EYS: variants seen among roughly 807,000 people sequenced by gnomAD.
EYS encodes EGF-like photoreceptor maintenance factor, also known as protein eyes shut homolog.
Under a neutral mutation model 282.1 loss-of-function variants are expected in EYS, and 250 were observed. That is an observed-to-expected ratio of 0.89 (90% CI 0.80 to 0.98). The LOEUF (loss-of-function observed/expected upper bound fraction) is 0.98, where lower values mean the gene tolerates loss of function less well. Ranked by LOEUF, EYS falls within the 50% of genes least tolerant of loss-of-function variation. EYS has a pLI of 0.00. For missense variants in EYS, 4,016 were observed against 3,709.0 expected (o/e 1.08, Z -2.15); for synonymous variants, 1,355 against 1,282.9 (o/e 1.06, Z -1.20).
chr6:64,078,399 C>G (rs573016334), intron 32 of EYS, among the ~76,000 whole-genome samples: 1 of 151,916 alleles, frequency 6.6e-6, no homozygotes, highest in African/African-American at 2.4e-5. Flanking sequence ...AGGGACACAC[C>G]TTTTAAATTA....
intron 31 of EYS, among the ~76,000 whole-genome samples, chr6:64,203,477 T>C (rs992175709): frequency 2.0e-5 from 3 of 152,184 alleles, no homozygotes; most frequent in East Asian, 3.9e-4. Flanking sequence ...GCTTTTGTTC[T>C]TGGAGAATTA....
At chr6:64,091,164 T>A (rs983011912) in intron 31 of EYS, among the ~76,000 whole-genome samples, 3 of 152,210 alleles carry the variant, frequency 2.0e-5, no homozygotes, top group Non-Finnish European at 4.4e-5. Flanking sequence ...ACATTAATGA[T>A]TCCATTAATA....
chr6:65,513,034 G>C (rs1345811902), intron 2 of EYS, among the ~76,000 whole-genome samples: 2 of 152,120 alleles, frequency 1.3e-5, no homozygotes, highest in Admixed American at 1.3e-4. Context: ...AAAATTGATA[G>C]ACCGCTAGCA....
intron 12 of EYS, among the ~76,000 whole-genome samples, chr6:65,165,196 C>T (rs577267017): frequency 4.4e-4 from 67 of 151,100 alleles, no homozygotes; most frequent in African/African-American, 1.6e-3. Flanking sequence ...TAACTCTTGA[C>T]AAATGATGTT....
At chr6:64,009,816 G>A (rs1027767823) in intron 33 of EYS, among the ~76,000 whole-genome samples, 6 of 152,066 alleles carry the variant, frequency 3.9e-5, no homozygotes, top group Non-Finnish European at 8.8e-5. Flanking sequence ...TTTTTGAGTT[G>A]CCAGAGTTCT....
intron 8 of EYS, among the ~76,000 whole-genome samples, chr6:65,364,247 G>T (rs1405604592): frequency 5.5e-5 from 8 of 146,398 alleles, no homozygotes; most frequent in African/African-American, 1.7e-4. Flanking sequence ...TCAACTAAAT[G>T]TTTTTTTTTT....
intron 26 of EYS, among the ~76,000 whole-genome samples, chr6:64,509,346 A>ATATG (rs1161271096): frequency 2.6e-5 from 4 of 152,120 alleles, no homozygotes; most frequent in African/African-American, 9.7e-5. Context: ...TGATCTCTTG[A>ATATG]TATGTAGTCT....
intron 41 of EYS, among the ~76,000 whole-genome samples, chr6:63,727,753 T>TATATATA (rs1554164611): frequency 1.9e-5 from 2 of 104,516 alleles, no homozygotes; most frequent in Non-Finnish European, 3.5e-5. Context: ...TATATATATG[T>TATATATA]TAGCTGGGCA....
chr6:64,143,498 G>A (rs1774410672), intron 31 of EYS, among the ~76,000 whole-genome samples: 1 of 151,978 alleles, frequency 6.6e-6, no homozygotes. Context: ...ACCTAAAAGT[G>A]CAATTAAAAA....
chr6:64,390,032 G>T (rs980928207), intron 28 of EYS, among the ~76,000 whole-genome samples: 4 of 150,372 alleles, frequency 2.7e-5, no homozygotes, highest in African/African-American at 7.3e-5. Context: ...TGGAAAATCG[G>T]GTCACTCCCA....
intron 2 of EYS, among the ~76,000 whole-genome samples, chr6:65,596,863 T>C (rs1162084127): frequency 6.6e-6 from 1 of 152,038 alleles, no homozygotes; most frequent in Non-Finnish European, 1.5e-5. Flanking sequence ...AAGTATTTAG[T>C]GGGATGATAA....
intron 5 of EYS, among the ~76,000 whole-genome samples, chr6:65,454,688 G>A (rs1764536602): frequency 6.6e-6 from 1 of 151,984 alleles, no homozygotes; most frequent in Admixed American, 6.6e-5. Flanking sequence ...TGTATATGGT[G>A]AGAGTTTGGG....
intron 12 of EYS, among the ~76,000 whole-genome samples, chr6:65,228,312 A>C (rs1766681556): frequency 6.6e-6 from 1 of 152,044 alleles, no homozygotes; most frequent in Non-Finnish European, 1.5e-5. Context: ...TATCCTACTA[A>C]ATCTATTAAA....
At chr6:64,501,310 T>A (rs1446864429) in intron 26 of EYS, among the ~76,000 whole-genome samples, 3 of 152,068 alleles carry the variant, frequency 2.0e-5, no homozygotes, top group African/African-American at 7.2e-5. Context: ...CTAAAATAAG[T>A]AATGATATCT....
intron 19 of EYS, among the ~76,000 whole-genome samples, chr6:64,824,701 A>G (rs986100270): frequency 1.3e-5 from 2 of 151,904 alleles, no homozygotes; most frequent in African/African-American, 4.8e-5. Context: ...AGTTTGGGAC[A>G]GGATGCATCC....
At chr6:64,721,404 T>G (rs1434968035) in intron 22 of EYS, among the ~76,000 whole-genome samples, 1 of 152,008 alleles carries the variant, frequency 6.6e-6, no homozygotes, top group African/African-American at 2.4e-5. Context: ...AGATAAAGAC[T>G]CAAGAGTATT....
In EYS at chr6:64,312,629, A is replaced by AAC. The variant is rs1769764678; in HGVS notation, c.6079-5548_6079-5547insGT. Among the ~76,000 whole-genome samples, 3 of 152,250 alleles carry AAC rather than the reference A, an allele frequency of 2.0e-5. No individual in the cohort carries two copies. In the South Asian group the frequency reaches 6.2e-4, roughly 32 times the overall value. On this transcript the variant is annotated intron_variant, in intron 29 of 42. Coordinates refer to ENST00000503581, the MANE Select transcript of EYS (RefSeq NM_001142800.2). ...GGCTGACAGGCATCTCATATAGGCGAGCTCTGGCTGGCATCTGGCTGGTTC... is the reference window on the plus strand; with the variant it reads ...GGCTGACAGGCATCTCATATAGGCGAACGCTCTGGCTGGCATCTGGCTGGTTC...
At chr6:65,038,201 C>A (rs1047683489) in intron 13 of EYS, among the ~76,000 whole-genome samples, 1 of 151,496 alleles carries the variant, frequency 6.6e-6, no homozygotes, top group Non-Finnish European at 1.5e-5. Flanking sequence ...AAAATGCATA[C>A]AGTTTTAAAA....
intron 12 of EYS, among the ~76,000 whole-genome samples, chr6:65,076,683 TACACACACAC>T (rs36094243): frequency 1.3e-5 from 2 of 149,500 alleles, no homozygotes; most frequent in East Asian, 2.0e-4. Context: ...CATAAATATA[TACACACACAC>T]ACACACACAC....
Sources: allele counts gnomAD v4.1 joint callset (sites outside exome capture counted in the v4.1 genomes callset), GRCh38; gene constraint gnomAD v4.1.1; transcripts MANE v1.5; gene names NCBI Gene and HGNC (gene_info 2026-07-23, HGNC 2026-07-21).